The following CCDC3 variants were observed in gnomAD, a reference collection of about 807,000 sequenced individuals.
The protein encoded by CCDC3 is coiled-coil domain-containing protein 3.
Under a neutral mutation model 21.4 loss-of-function variants are expected in CCDC3, and 24 were observed. That is an observed-to-expected ratio of 1.12 (90% CI 0.81 to 1.58). The LOEUF is 1.58. CCDC3 is among the 40% of genes most tolerant of loss of function. The probability of loss-of-function intolerance (pLI) is 0.00; values close to 1 mark genes in which losing one functional copy is unlikely to be tolerated. For synonymous variants in CCDC3, 186 were observed against 166.0 expected (o/e 1.12, Z -0.93); for missense variants, 425 against 360.9 (o/e 1.18, Z -1.44).
At chr10:13,086,738 G>T (rs569724205) in intron 3 of CCDC3, among the ~76,000 whole-genome samples, 1 of 152,134 alleles carries the variant, frequency 6.6e-6, no homozygotes, top group African/African-American at 2.4e-5. Context: ...GAGCCCCCGC[G>T]CCCGGCCTCT....
chr10:13,065,770 T>C (rs1836813820), intron 4 of CCDC3, among the ~76,000 whole-genome samples: 1 of 152,206 alleles, frequency 6.6e-6, no homozygotes, highest in Admixed American at 6.5e-5. Context: ...CATTCAATAC[T>C]TACCAGTTGA....
At chr10:12,950,835 T>C (rs1475737160) in intron 2 of CCDC3, among the ~76,000 whole-genome samples, 1 of 152,138 alleles carries the variant, frequency 6.6e-6, no homozygotes, top group Non-Finnish European at 1.5e-5. Flanking sequence ...GTGAGGAAGA[T>C]ATGGGGGGCT....
intron 2 of CCDC3, among the ~76,000 whole-genome samples, chr10:12,963,123 G>C (rs1835205436): frequency 6.6e-6 from 1 of 152,174 alleles, no homozygotes; most frequent in Non-Finnish European, 1.5e-5. Flanking sequence ...ATAGCTGTGG[G>C]AAAGAAGAGG....
chr10:13,067,719 C>T (rs1358322747), intron 4 of CCDC3, among the ~76,000 whole-genome samples: 2 of 152,146 alleles, frequency 1.3e-5, no homozygotes, highest in African/African-American at 4.8e-5. Context: ...TGATTCTCTT[C>T]CCCTCCACGA....
chr10:12,905,578 T>C (rs558898840), intron 2 of CCDC3, among the ~76,000 whole-genome samples: 20 of 152,322 alleles, frequency 1.3e-4, no homozygotes, highest in African/African-American at 3.6e-4. Context: ...CTTTCAGACA[T>C]TGTTTTGTGA....
rs12251556 is a variant in CCDC3 at position 12,986,590 on chromosome 10, T to A, written c.549+11748A>T. 1.2e-4 allele frequency among the ~76,000 whole-genome samples: 18 copies of A among 152,140 alleles called. No homozygotes were observed. The East Asian group carries it at 1.9e-3, about 16-fold the overall frequency. The stretch of plus-strand genomic sequence containing the variant: ...GAGATGGAAACCACTCTAGCTAACA[T>A]GGTGAAACCCCATCTCCACTAAAAA... On this transcript the variant is annotated intron_variant, in intron 2 of 2. Coordinates refer to ENST00000378825, the MANE Select transcript of CCDC3 (RefSeq NM_031455.4).
rs556485996 is a variant in CCDC3, at chr10:12,945,039, T to G, written c.550-46360A>C. Among the ~76,000 whole-genome samples, 3 of 152,330 alleles carry G rather than the reference T, an allele frequency of 2.0e-5. No homozygotes were observed. In the South Asian group the frequency reaches 6.2e-4, roughly 32 times the overall value. On this transcript the variant is annotated intron_variant, in intron 2 of 2. Coordinates refer to ENST00000378825, the MANE Select transcript of CCDC3 (RefSeq NM_031455.4). ...TAGAGATACAACTTTCCCTCCCCTA[T>G]AGCTTTTTATTAGAGACTAAAGATA...
At chr10:12,982,506 A>G (rs1835514501) in intron 2 of CCDC3, among the ~76,000 whole-genome samples, 3 of 152,056 alleles carry the variant, frequency 2.0e-5, no homozygotes, top group Admixed American at 2.0e-4. Context: ...AATTAAAAAA[A>G]AAATCGGCCG....
intron 2 of CCDC3, among the ~76,000 whole-genome samples, chr10:12,986,876 G>A (rs1357296775): frequency 6.6e-6 from 1 of 152,164 alleles, no homozygotes; most frequent in Non-Finnish European, 1.5e-5. Flanking sequence ...CTGTTTAAGA[G>A]TAATAACTGT....
upstream of CCDC3, among the ~76,000 whole-genome samples, chr10:13,005,052 C>T (rs1350183881): frequency 6.6e-6 from 1 of 152,170 alleles, no homozygotes; most frequent in Admixed American, 6.5e-5. Context: ...TCAACCAAAC[C>T]ACTAGCAACT....
intron 4 of CCDC3, among the ~76,000 whole-genome samples, chr10:13,056,115 G>A (rs1030384952): frequency 1.3e-5 from 2 of 152,206 alleles, no homozygotes; most frequent in Admixed American, 1.3e-4. Flanking sequence ...ACACATTACA[G>A]TTTAATTCTA....
intron 4 of CCDC3, among the ~76,000 whole-genome samples, chr10:13,072,307 A>G (rs900987156): frequency 8.5e-5 from 13 of 152,156 alleles, no homozygotes; most frequent in Non-Finnish European, 1.5e-5. Flanking sequence ...GTTTTCCCCA[A>G]AACAGTGCCC....
chr10:13,075,447 GT>G (rs34089311), intron 3 of CCDC3, among the ~76,000 whole-genome samples: 112,037 of 150,152 alleles, frequency 0.75, 42,000 homozygotes, highest in Middle Eastern at 0.83. Flanking sequence ...TTGTTTTTTT[GT>G]TTTTTTTTTC....
chr10:12,904,468 T>TAAAAAAAACA (rs1834141485), intron 2 of CCDC3, among the ~76,000 whole-genome samples: 1 of 40,902 alleles, frequency 2.4e-5, no homozygotes, highest in Non-Finnish European at 4.2e-5. Context: ...AAGCCAGTCT[T>TAAAAAAAACA]AAAAAAAAAA....
intron 3 of CCDC3, among the ~76,000 whole-genome samples, chr10:13,079,022 A>C (rs914953700): frequency 1.1e-4 from 16 of 152,152 alleles, no homozygotes; most frequent in Non-Finnish European, 2.1e-4. Context: ...ATAATTAAAA[A>C]AAAATTGCTT....
intron 5 of CCDC3, among the ~76,000 whole-genome samples, chr10:13,043,888 G>C (rs1836492991): frequency 1.3e-5 from 2 of 152,170 alleles, no homozygotes. Context: ...GGGATTGTTG[G>C]GTTGAATAGT....
rs1325817927 is a variant in CCDC3, at chr10:13,096,141, CTACT to C, written c.-503+2380_-503+2383del. On this transcript the variant is annotated intron_variant, in intron 3 of 6. Coordinates refer to the CCDC3 transcript ENST00000378839. ...TTCCTTCCCTCCTTCCTTTCTCTCT[CTACT>C]TCCTTCCTTCCCTCCTTCTTACCTT... Among the ~76,000 whole-genome samples the C allele has an allele frequency of 8.1e-4, 120 of 148,578 alleles. 1 individual carries two copies. Among genetic ancestry groups the C allele is most frequent in the African/African-American group, 2.7e-3 (110 of 40,318 alleles).
At chr10:13,061,449 G>A (rs188056966) in intron 4 of CCDC3, among the ~76,000 whole-genome samples, 4 of 152,308 alleles carry the variant, frequency 2.6e-5, no homozygotes, top group Admixed American at 1.3e-4. Context: ...GACGAAAACA[G>A]TCAAACTCTG....
chr10:13,072,833 C>A (rs1309298021), intron 4 of CCDC3, among the ~76,000 whole-genome samples: 3 of 150,918 alleles, frequency 2.0e-5, no homozygotes, highest in Non-Finnish European at 4.4e-5. Context: ...GACATTTCTG[C>A]CTGCACAATC....
Sources: allele counts gnomAD v4.1 joint callset (sites outside exome capture counted in the v4.1 genomes callset), GRCh38; gene constraint gnomAD v4.1.1; transcripts MANE v1.5; gene names NCBI Gene and HGNC (gene_info 2026-07-23, HGNC 2026-07-21).